Variants in SLC2A9 observed in about 807,000 individuals in gnomAD.
The protein encoded by SLC2A9 is solute carrier family 2, facilitated glucose transporter member 9.
In SLC2A9, 39 loss-of-function variants were observed where a neutral mutation model predicts 50.6. That is an observed-to-expected ratio of 0.77 (90% CI 0.60 to 1.01). The LOEUF (loss-of-function observed/expected upper bound fraction) is 1.01. SLC2A9 is among the 50% of genes least tolerant of loss of function. The pLI is 0.00. For synonymous variants in SLC2A9, 324 were observed against 276.9 expected, an observed-to-expected ratio of 1.17 and a Z score of -1.69; for missense variants, 686 against 677.6, an observed-to-expected ratio of 1.01 and a Z score of -0.14.
intron 3 of SLC2A9, among the ~76,000 whole-genome samples, chr4:9,818,060 G>C (rs1414216098): frequency 6.6e-6 from 1 of 152,182 alleles, no homozygotes; most frequent in Non-Finnish European, 1.5e-5. Context: ...GAGGATTATA[G>C]GTTCACTAGT....
intron 5 of SLC2A9, among the ~76,000 whole-genome samples, chr4:9,965,249 G>A (rs993492360): frequency 5.9e-5 from 9 of 152,226 alleles, no homozygotes; most frequent in Non-Finnish European, 1.5e-5. Flanking sequence ...GATCCAGGCA[G>A]TCGGGCACGA....
chr4:9,867,558 C>A (rs145891433), intron 10 of SLC2A9, among the ~76,000 whole-genome samples: 2 of 152,110 alleles, frequency 1.3e-5, no homozygotes, highest in Non-Finnish European at 2.9e-5. Context: ...GAAGAGAAAG[C>A]GGAGAAGCAG....
chr4:9,903,101 T>A (rs775612765), intron 8 of SLC2A9, among the ~76,000 whole-genome samples: 1 of 152,184 alleles, frequency 6.6e-6, no homozygotes, highest in Non-Finnish European at 1.5e-5. Context: ...AGAGCCCAGA[T>A]GATCTATCAC....
At chr4:9,953,697 A>T (rs1750702470) in intron 5 of SLC2A9, among the ~76,000 whole-genome samples, 1 of 152,184 alleles carries the variant, frequency 6.6e-6, no homozygotes, top group South Asian at 2.1e-4. Flanking sequence ...ATCATGGCTC[A>T]CTGCAGCCTT....
At chr4:9,778,197 A>G (rs557396032), downstream of SLC2A9, among the ~76,000 whole-genome samples, 6 of 149,718 alleles carry the variant, frequency 4.0e-5, no homozygotes, top group African/African-American at 7.4e-5. Flanking sequence ...GCAACCTCCA[A>G]CTCCTGGGTT....
chr4:9,826,506 C>G lies in SLC2A9; in HGVS notation c.1514G>C (p.Arg505Thr). The G allele has an allele frequency of 6.2e-7, 1 of 1,613,726 alleles. No individual in the cohort carries two copies. Among genetic ancestry groups the G allele is most frequent in the Non-Finnish European group, 8.5e-7 (1 of 1,179,830 alleles). ...TGCCTGGCTGATTTCTGCATAGGTTCTGTTTTTGGTCTCAGGCAGCACAAA... is the reference window on the plus strand; with the variant it reads ...TGCCTGGCTGATTTCTGCATAGGTTGTGTTTTTGGTCTCAGGCAGCACAAA... ...LYFVLPETKN[R>T]TYAEISQAFS... The change falls in exon 12 of 12, where the codon AGA becomes ACA. Residue 505 changes from arginine (R) to threonine (T), a missense_variant. Arg to Thr is a moderately conservative substitution (Grantham distance 71). Transcript: ENST00000264784.
chr4:10,014,049 G>C (rs1157753711), intron 2 of SLC2A9, among the ~76,000 whole-genome samples: 1 of 152,120 alleles, frequency 6.6e-6, no homozygotes, highest in African/African-American at 2.4e-5. Context: ...CTTCTCGAGA[G>C]CCCAGCACCC....
intron 10 of SLC2A9, among the ~76,000 whole-genome samples, chr4:9,842,278 T>C (rs776766183): frequency 3.0e-4 from 46 of 152,202 alleles, no homozygotes; most frequent in Admixed American, 1.6e-3. Flanking sequence ...TTGTGGTAGG[T>C]GTGTAGGTGC....
At chr4:9,841,554 G>C (rs898464422) in intron 10 of SLC2A9, among the ~76,000 whole-genome samples, 1 of 152,030 alleles carries the variant, frequency 6.6e-6, no homozygotes, top group Non-Finnish European at 1.5e-5. Context: ...AGTTTATCTT[G>C]GCTTTCACAT....
At chr4:9,805,286 A>G (rs1216854664) in intron 3 of SLC2A9, among the ~76,000 whole-genome samples, 1 of 152,244 alleles carries the variant, frequency 6.6e-6, no homozygotes, top group East Asian at 1.9e-4. Context: ...CAGAAGGACC[A>G]CAGAAAGGCG....
chr4:9,956,252 G>A (rs1373107587), intron 5 of SLC2A9, among the ~76,000 whole-genome samples: 2 of 151,930 alleles, frequency 1.3e-5, no homozygotes, highest in Non-Finnish European at 2.9e-5. Flanking sequence ...GGGAGGCCAA[G>A]GCAGGTGGAT....
intron 3 of SLC2A9, among the ~76,000 whole-genome samples, chr4:9,792,343 G>GTTT (rs58801443): frequency 1.5e-5 from 2 of 131,170 alleles, no homozygotes; most frequent in Non-Finnish European, 1.7e-5. Context: ...CACCTGGATA[G>GTTT]TTTTTTTTTT....
chr4:9,886,422 CACTGTGTG>C (rs1177694956), intron 10 of SLC2A9, among the ~76,000 whole-genome samples: 1 of 125,788 alleles, frequency 7.9e-6, no homozygotes, highest in African/African-American at 3.0e-5. Context: ...ACCCTCATAG[CACTGTGTG>C]TGTGTGTGTG....
chr4:9,900,363 A>T (rs1040899359), intron 8 of SLC2A9, among the ~76,000 whole-genome samples: 8 of 152,164 alleles, frequency 5.3e-5, no homozygotes, highest in Non-Finnish European at 1.5e-5. Context: ...AAGACTCAGG[A>T]GCACATCCCA....
At chr4:9,949,915 C>A (rs1460651174) in intron 5 of SLC2A9, among the ~76,000 whole-genome samples, 2 of 152,152 alleles carry the variant, frequency 1.3e-5, no homozygotes, top group African/African-American at 2.4e-5. Flanking sequence ...TGGGGCCTCA[C>A]AGGGAAATAG....
At chr4:9,935,107 G>T (rs1422424084) in intron 6 of SLC2A9, among the ~76,000 whole-genome samples, 1 of 152,178 alleles carries the variant, frequency 6.6e-6, no homozygotes, top group Admixed American at 6.5e-5. Context: ...AAACAGTGCT[G>T]CAATAAACAT....
chr4:9,941,925 T>G lies in SLC2A9; in HGVS notation c.802A>C (p.Arg268=), dbSNP rs776988185. ...YLLLEKHNEA[R]AVKAFQTFLG... Reference sequence around the variant, plus strand: ...GAAGGGCCCTCACCTTTCACAGCTCTTGCCTCGTTGTGCTTCTCCAAGAGC... The same window carrying G: ...GAAGGGCCCTCACCTTTCACAGCTCGTGCCTCGTTGTGCTTCTCCAAGAGC... Residue 268 remains arginine, a synonymous_variant, in exon 6 of 12, where the codon AGA becomes CGA. Transcript: ENST00000264784. The G allele has an allele frequency of 2.5e-6, 4 of 1,614,112 alleles. No individual in the cohort carries two copies. In the Admixed American group the frequency reaches 6.7e-5, roughly 27 times the overall value.
intron 1 of SLC2A9, among the ~76,000 whole-genome samples, chr4:9,773,022 C>A (rs1366515857): frequency 6.6e-6 from 1 of 152,120 alleles, no homozygotes; most frequent in African/African-American, 2.4e-5. Context: ...GGATATGAAC[C>A]CAGGACTGTC....
At position 10,033,042 on chromosome 4, in the gene SLC2A9, T is replaced by C. The variant is rs568303741; in HGVS notation, c.-40-7036A>G. On this transcript the variant is annotated intron_variant, in intron 1 of 12. Transcript: ENST00000309065. Reference sequence around the variant, plus strand: ...TTAGTCCTCCCCAAAACCCCACCTATGTGCAGACTCCTCCCTCATCCCTTT... The same window carrying C: ...TTAGTCCTCCCCAAAACCCCACCTACGTGCAGACTCCTCCCTCATCCCTTT... Among the ~76,000 whole-genome samples, 4 of 152,294 alleles carry C rather than the reference T, an allele frequency of 2.6e-5. No individual in the cohort carries two copies. The East Asian group carries it at 5.8e-4, about 22-fold the overall frequency.
Sources: allele counts gnomAD v4.1 joint callset (sites outside exome capture counted in the v4.1 genomes callset), GRCh38; gene constraint gnomAD v4.1.1; transcripts MANE v1.5; gene names NCBI Gene and HGNC (gene_info 2026-07-23, HGNC 2026-07-21).